The following FBXO30 variants were observed in gnomAD, a reference collection of about 807,000 sequenced individuals.
FBXO30 encodes F-box protein 30.
In FBXO30, 21 loss-of-function variants were observed where a neutral mutation model predicts 58.1. That is an observed-to-expected ratio of 0.36 (90% CI 0.26 to 0.52). The LOEUF is 0.52. Among genes scored for constraint, FBXO30 ranks in the 20% least tolerant of loss-of-function variants. FBXO30 has a pLI of 0.93. For synonymous variants in FBXO30, 309 were observed against 312.4 expected, an observed-to-expected ratio of 0.99 and a Z score of 0.11; for missense variants, 744 against 897.3, an observed-to-expected ratio of 0.83 and a Z score of 2.18.
intron 1 of FBXO30, among the ~76,000 whole-genome samples, chr6:145,807,673 C>A (rs1419938008): frequency 6.6e-6 from 1 of 152,128 alleles, no homozygotes; most frequent in African/African-American, 2.4e-5. Context: ...TCCATCATAA[C>A]CTTTATAAAG....
intron 2 of FBXO30, among the ~76,000 whole-genome samples, chr6:145,803,773 T>C (rs1381314868): frequency 6.6e-6 from 1 of 152,116 alleles, no homozygotes; most frequent in East Asian, 1.9e-4. Flanking sequence ...CCACCCAAAA[T>C]ATCAAATCCT....
intron 2 of FBXO30, among the ~76,000 whole-genome samples, 167 bp downstream of exon 2, chr6:145,804,205 T>C (rs1186441451): frequency 6.6e-6 from 1 of 152,172 alleles, no homozygotes; most frequent in African/African-American, 2.4e-5. Flanking sequence ...CAATTCTAAC[T>C]ATCCTAGTTC....
rs753921063 is a variant in FBXO30 at position 145,805,334 on chromosome 6, C to T, written c.1072G>A (p.Asp358Asn). Residue 358 changes from aspartate to asparagine, a missense_variant, in exon 2 of 3, where the codon GAT (aspartate) becomes AAT (asparagine). Physicochemically the swap from Asp to Asn is conservative, Grantham distance 23. This residue lies in a region of FBXO30 where 275 missense variants were observed against 262.0 expected (regional missense o/e 1.05). Transcript: ENST00000237281. ...NGTVQHILMPDDEGEGELCWK... is the reference protein window; with the variant it reads ...NGTVQHILMPNDEGEGELCWK... ...CACAATTCACCTTCACCTTCATCATCTGGCATGAGGATATGCTGAACTGTG... is the reference window on the plus strand; with the variant it reads ...CACAATTCACCTTCACCTTCATCATTTGGCATGAGGATATGCTGAACTGTG... The T allele has an allele frequency of 6.2e-7, 1 of 1,614,102 alleles. No homozygotes were observed. The highest frequency in any genetic ancestry group is 2.2e-5 in the East Asian group (1 of 44,880).
Position 145,805,734 on chromosome 6 carries a change from C to T in FBXO30, c.672G>A (p.Ala224=), listed in dbSNP as rs200388937. ...AGTTTTGATCCTCTAAGCTTTCTCT[C>T]GCATTTTGCTGTTCATCCATGTCAT... is the stretch of plus-strand genomic sequence containing the variant. The part of the protein sequence containing the change: ...VPNDMDEQQN[A]RESLEDQNLK... Residue 224 remains alanine, a synonymous_variant, in exon 2 of 3, where the codon GCG becomes GCA. Coordinates refer to ENST00000237281, the MANE Select transcript of FBXO30 (RefSeq NM_032145.5). 29 of 1,613,950 alleles carry T rather than the reference C, an allele frequency of 1.8e-5. No homozygotes were observed. The highest frequency in any genetic ancestry group is 1.0e-4 in the Admixed American group (6 of 59,988).
At chr6:145,801,312 A>C (rs1777989736) in intron 2 of FBXO30, among the ~76,000 whole-genome samples, 2 of 152,118 alleles carry the variant, frequency 1.3e-5, no homozygotes, top group South Asian at 4.1e-4. Context: ...TGGGGCCCGT[A>C]GGCAGCATGT....
rs1198959527 is a variant in FBXO30 at position 145,805,899 on chromosome 6, A to T, written c.507T>A (p.Asn169Lys). 2 of 1,613,884 alleles carry T rather than the reference A, an allele frequency of 1.2e-6. No homozygotes were observed. The highest frequency in any genetic ancestry group is 1.7e-6 in the Non-Finnish European group (2 of 1,179,982). The part of the protein sequence containing the change: ...KSSVPEIPHA[N>K]GLVSVDEESY... ...ATTCTTCATCAACAGACACTAAACC[A>T]TTAGCATGTGGTATTTCTGGGACAC... The change falls in exon 2 of 3, where the codon AAT (asparagine) becomes AAA (lysine). Residue 169 changes from asparagine to lysine, a missense_variant. Transcript: ENST00000237281.
At chr6:145,802,372 G>A (rs1478660767) in intron 2 of FBXO30, among the ~76,000 whole-genome samples, 1 of 152,094 alleles carries the variant, frequency 6.6e-6, no homozygotes, top group Non-Finnish European at 1.5e-5. Flanking sequence ...TGGGTACAGT[G>A]GATTATATAA....
chr6:145,810,336 T>G (rs1309763683), intron 1 of FBXO30, among the ~76,000 whole-genome samples: 2 of 152,166 alleles, frequency 1.3e-5, no homozygotes, highest in Non-Finnish European at 2.9e-5. Flanking sequence ...TTCATCCTCT[T>G]CCTAATCAAG....
chr6:145,809,840 G>A (rs1223613711), intron 1 of FBXO30: 1 of 152,224 alleles, frequency 6.6e-6, no homozygotes, highest in Non-Finnish European at 1.5e-5. Flanking sequence ...AAGTGGCAGA[G>A]CTAGGACTGT....
rs765866118 is a variant in FBXO30 at position 145,805,054 on chromosome 6, A to G, written c.1352T>C (p.Ile451Thr). ...CTGAGTCCCAACGTCAATGTGATAA[A>G]TATCAGCCATGCGGCTATCAGATAT... is the stretch of plus-strand genomic sequence containing the variant. ...RGISDSRMAD[I>T]YHIDVGTQTF... The change falls in exon 2 of 3, where the codon ATT becomes ACT. Residue 451 changes from isoleucine (I) to threonine (T), a missense_variant. This residue lies in a region of FBXO30 where 334 missense variants were observed against 433.7 expected (regional missense o/e 0.77). Coordinates refer to ENST00000237281, the MANE Select transcript of FBXO30 (RefSeq NM_032145.5). 87 of 1,613,902 alleles carry G rather than the reference A, an allele frequency of 5.4e-5. No individual in the cohort carries two copies. The highest frequency in any genetic ancestry group is 2.3e-4 in the Admixed American group (14 of 59,982).
chr6:145,814,426 C>T (rs949600638), intron 1 of FBXO30, among the ~76,000 whole-genome samples, 177 bp downstream of exon 1: 13 of 152,024 alleles, frequency 8.6e-5, no homozygotes, highest in Non-Finnish European at 1.3e-4. Flanking sequence ...CGACCCGGGA[C>T]GCGCATGGAC....
rs1166002972 is a variant in FBXO30 at position 145,805,456 on chromosome 6, C to G, written c.950G>C (p.Cys317Ser). The G allele has an allele frequency of 2.5e-6, 4 of 1,612,164 alleles. No individual in the cohort carries two copies. The highest frequency in any genetic ancestry group is 3.4e-6 in the Non-Finnish European group (4 of 1,178,758). The change falls in exon 2 of 3, where the codon TGT becomes TCT. Residue 317 changes from cysteine to serine, a missense_variant. Around this residue, in one of 3 missense-constraint regions of FBXO30, gnomAD observed 275 missense variants for 262.0 expected, o/e 1.05. Coordinates refer to ENST00000237281, the MANE Select transcript of FBXO30 (RefSeq NM_032145.5). ...TGAAGTGCCATCTGATGATGCCACA[C>G]AGTCTCCATTTGTTAAGTTACTTTG... is the stretch of plus-strand genomic sequence containing the variant. ...SKQSNLTNGDCVASSDGTSKP... is the reference protein window; with the variant it reads ...SKQSNLTNGDSVASSDGTSKP...
In FBXO30 at chr6:145,793,602, A is replaced by G. The variant is rs2128662817; in HGVS notation, c.*6504T>C. On this transcript the variant is annotated 3_prime_UTR_variant, in exon 3 of 3. Coordinates refer to ENST00000237281, the MANE Select transcript of FBXO30 (RefSeq NM_032145.5). ...AAAACTATAAAAAAAAACCTTGAAAATTATACAAATTTTTTTCAAAGCATG... is the reference window on the plus strand; with the variant it reads ...AAAACTATAAAAAAAAACCTTGAAAGTTATACAAATTTTTTTCAAAGCATG... 6.6e-6 allele frequency: 1 copy of G among 152,212 alleles called. No individual in the cohort carries two copies. The highest frequency in any genetic ancestry group is 2.1e-4 in the South Asian group (1 of 4,830). 9.4% of individuals were successfully genotyped at this position (152,212 alleles called of 1,614,324 possible). A position where few individuals can be genotyped will look rare whatever the true frequency, so the allele number is the denominator to read the frequency against.
rs1368692497 is a variant in FBXO30, at chr6:145,798,494, T to C, written c.*1612A>G. 2 of 152,512 alleles carry C rather than the reference T, an allele frequency of 1.3e-5. No individual in the cohort carries two copies. Among genetic ancestry groups the C allele is most frequent in the Non-Finnish European group, 1.5e-5 (1 of 67,956 alleles). The allele number at this position is 152,512 out of a possible 1,614,324, so 9.4% of individuals were successfully genotyped here. On this transcript the variant is annotated 3_prime_UTR_variant, in exon 3 of 3. Coordinates refer to ENST00000237281, the MANE Select transcript of FBXO30 (RefSeq NM_032145.5). ...AAAGGCAGAGTTACATTTTATGGTA[T>C]TTAATATCTCTTTTCTGTTGTTTTT...
chr6:145,804,657 A>C lies in FBXO30; in HGVS notation c.1749T>G (p.His583Gln), dbSNP rs3811102. ...ATGGCTGAACTCCAAATGACCTCAA[A>C]TGGCGGTCATGTATAATCTTTGCTC... Reference protein sequence around the residue: ...IQGAKIIHDRHLRSFGVQPCV... With the variant: ...IQGAKIIHDRQLRSFGVQPCV... Residue 583 changes from histidine (H) to glutamine (Q), a missense_variant, in exon 2 of 3, where the codon CAT (histidine) becomes CAG (glutamine). Transcript: ENST00000237281. 1.4e-5 allele frequency: 23 copies of C among 1,613,600 alleles called. No individual in the cohort carries two copies. Among genetic ancestry groups the C allele is most frequent in the African/African-American group, 9.4e-5 (7 of 74,830 alleles).
intron 2 of FBXO30, among the ~76,000 whole-genome samples, chr6:145,803,533 T>C (rs901447293): frequency 6.6e-6 from 1 of 152,084 alleles, no homozygotes; most frequent in Admixed American, 6.6e-5. Flanking sequence ...CTTTAGAAAA[T>C]GTAAAAGTTT....
chr6:145,803,486 G>A (rs773071259), intron 2 of FBXO30, among the ~76,000 whole-genome samples: 2 of 152,120 alleles, frequency 1.3e-5, no homozygotes, highest in Admixed American at 1.3e-4. Flanking sequence ...TTTGAATGCT[G>A]TGCAACTAAA....
chr6:145,805,567 G>T lies in FBXO30; in HGVS notation c.839C>A (p.Thr280Asn). 6.2e-7 allele frequency: 1 copy of T among 1,612,740 alleles called. No homozygotes were observed. The highest frequency in any genetic ancestry group is 1.1e-5 in the South Asian group (1 of 90,730). The change falls in exon 2 of 3, where the codon ACT becomes AAT. Residue 280 changes from threonine (T) to asparagine (N), a missense_variant. By Grantham distance (65) the Thr-to-Asn change is moderately conservative. This residue lies in a region of FBXO30 where 275 missense variants were observed against 262.0 expected (regional missense o/e 1.05). Coordinates refer to ENST00000237281, the MANE Select transcript of FBXO30 (RefSeq NM_032145.5). ...LCDLNTSSYDTSALCNGFPLE... is the reference protein window; with the variant it reads ...LCDLNTSSYDNSALCNGFPLE... ...AGGAAAGCCATTACAAAGAGCAGAAGTGTCATAAGAACTTGTATTCAAGTC... is the reference window on the plus strand; with the variant it reads ...AGGAAAGCCATTACAAAGAGCAGAATTGTCATAAGAACTTGTATTCAAGTC...
At chr6:145,811,303 C>T (rs1300638115) in intron 1 of FBXO30, among the ~76,000 whole-genome samples, 2 of 152,158 alleles carry the variant, frequency 1.3e-5, no homozygotes, top group Non-Finnish European at 2.9e-5. Flanking sequence ...ATCAATCAAA[C>T]TGAATCAAAA....
Sources: allele counts gnomAD v4.1 joint callset (sites outside exome capture counted in the v4.1 genomes callset), GRCh38; gene constraint gnomAD v4.1.1; regional missense constraint gnomAD v4.1.1; transcripts MANE v1.5; gene names NCBI Gene and HGNC (gene_info 2026-07-23, HGNC 2026-07-21).